KCNA2: variants seen among roughly 807,000 people sequenced by gnomAD.
The protein encoded by KCNA2 is potassium channel, voltage gated shaker related subfamily A, member 2.
In KCNA2, 11 loss-of-function variants were observed where a neutral mutation model predicts 33.4. The observed-to-expected ratio is 0.33, with a 90% confidence interval of 0.21 to 0.55. KCNA2 has a LOEUF of 0.55. KCNA2 is among the 20% of genes least tolerant of loss of function. The pLI is 0.93. For missense variants in KCNA2, 291 were observed against 621.6 expected, an observed-to-expected ratio of 0.47 and a Z score of 5.66; for synonymous variants, 222 against 231.3, an observed-to-expected ratio of 0.96 and a Z score of 0.37.
In KCNA2 at chr1:110,600,411, T is replaced by G. The variant is rs1393204735; in HGVS notation, c.*2872A>C. 4 of 985,022 alleles carry G rather than the reference T, an allele frequency of 4.1e-6. No homozygotes were observed. The highest frequency in any genetic ancestry group is 4.8e-6 in the Non-Finnish European group (4 of 829,884). 61.0% of individuals were successfully genotyped at this position (985,022 alleles called of 1,614,324 possible). A position where few individuals can be genotyped will look rare whatever the true frequency, so the allele number is the denominator to read the frequency against. On this transcript the variant is annotated 3_prime_UTR_variant, in exon 3 of 3. Coordinates refer to ENST00000316361, the MANE Select transcript of KCNA2 (RefSeq NM_004974.4). ...CTGAGTTTCAGGTTGTATATTTGTATGTGGTGTATGTTTGTCTTTTGTGTA... is the reference window on the plus strand; with the variant it reads ...CTGAGTTTCAGGTTGTATATTTGTAGGTGGTGTATGTTTGTCTTTTGTGTA...
rs1649155115 is a variant in KCNA2, at chr1:110,597,684, G to A, written c.*5599C>T. The A allele has an allele frequency of 1.0e-6, 1 of 985,418 alleles. No individual in the cohort carries two copies. Among genetic ancestry groups the A allele is most frequent in the Non-Finnish European group, 1.2e-6 (1 of 829,934 alleles). 61.0% of individuals were successfully genotyped at this position (985,418 alleles called of 1,614,324 possible). On this transcript the variant is annotated 3_prime_UTR_variant, in exon 3 of 3. Transcript: ENST00000316361. ...AAGAAACTACAGAGACTGTGAATGA[G>A]CCCCCAGAAGTCAAGGGCATTATCT... is the stretch of plus-strand genomic sequence containing the variant.
At chr1:110,606,538 A>T (rs1649635080), upstream of KCNA2, 1 of 152,212 alleles carries the variant, frequency 6.6e-6, no homozygotes, top group African/African-American at 2.4e-5. Flanking sequence ...CGGCGCACTC[A>T]GCGCTCGCCT....
At chr1:110,612,616 C>T (rs985949905) in intron 1 of KCNA2, among the ~76,000 whole-genome samples, 1 of 152,206 alleles carries the variant, frequency 6.6e-6, no homozygotes, top group Admixed American at 6.5e-5. Flanking sequence ...TTGGTCCTGT[C>T]TTCAGACTTG....
chr1:110,612,223 C>T (rs1484727528), intron 1 of KCNA2, among the ~76,000 whole-genome samples: 2 of 152,188 alleles, frequency 1.3e-5, no homozygotes, highest in African/African-American at 4.8e-5. Context: ...GATGGAGACA[C>T]ATCCTGAGAA....
Position 110,594,959 on chromosome 1 carries a change from C to A in KCNA2, c.*8324G>T. 1.0e-6 allele frequency: 1 copy of A among 985,440 alleles called. No homozygotes were observed. The highest frequency in any genetic ancestry group is 1.2e-6 in the Non-Finnish European group (1 of 829,942). The allele number at this position is 985,440 out of a possible 1,614,324, so 61.0% of individuals were successfully genotyped here. ...GCGCCCCTGAATATTCTCTTCCTCC[C>A]AGCTCCTCCTATTGCTTTCTCTAGC... is the stretch of plus-strand genomic sequence containing the variant. On this transcript the variant is annotated 3_prime_UTR_variant, in exon 3 of 3. Transcript: ENST00000316361.
rs1048885945 is a variant in KCNA2 at position 110,594,264 on chromosome 1, T to C, written c.*9019A>G. On this transcript the variant is annotated 3_prime_UTR_variant, in exon 3 of 3. Transcript: ENST00000316361. ...TCTGTGCTGCATGAGCCTAAGTGAG[T>C]GGCGGCCATTTCCTCTCTCTCTCTC... 9 of 1,002,122 alleles carry C rather than the reference T, an allele frequency of 9.0e-6. No homozygotes were observed. Among genetic ancestry groups the C allele is most frequent in the Non-Finnish European group, 1.1e-5 (9 of 842,552 alleles). 62.1% of individuals were successfully genotyped at this position (1,002,122 alleles called of 1,614,324 possible). A position where few individuals can be genotyped will look rare whatever the true frequency, so the allele number is the denominator to read the frequency against.
At chr1:110,625,604 T>TACA (rs989570359) in intron 1 of KCNA2, among the ~76,000 whole-genome samples, 1 of 152,142 alleles carries the variant, frequency 6.6e-6, no homozygotes. Context: ...TAAATTCAAT[T>TACA]ACAACAACAA....
In KCNA2 at chr1:110,595,516, G is replaced by GA. The variant is rs2101354332; in HGVS notation, c.*7766dup. 1.0e-6 allele frequency: 1 copy of GA among 985,386 alleles called. No individual in the cohort carries two copies. The highest frequency in any genetic ancestry group is 1.1e-4 in the East Asian group (1 of 8,814). The allele number at this position is 985,386 out of a possible 1,614,324, so 61.0% of individuals were successfully genotyped here. A position where few individuals can be genotyped will look rare whatever the true frequency, so the allele number is the denominator to read the frequency against. On this transcript the variant is annotated 3_prime_UTR_variant, in exon 3 of 3. Transcript: ENST00000316361. ...CCACTTCAATTGCTCCAGATACAGT[G>GA]AAAAATCCCTCCCACTCCCATCTAG...
At chr1:110,622,715 AT>A (rs1650290823) in intron 1 of KCNA2, among the ~76,000 whole-genome samples, 1 of 152,192 alleles carries the variant, frequency 6.6e-6, no homozygotes, top group Non-Finnish European at 1.5e-5. Context: ...ATAAATTGAG[AT>A]TTAAAAACCC....
At position 110,604,710 on chromosome 1, in the gene KCNA2, G is replaced by A. The variant is rs775717316; in HGVS notation, c.73C>T (p.Pro25Ser). 1 of 1,614,146 alleles carries A rather than the reference G, an allele frequency of 6.2e-7. No homozygotes were observed. The highest frequency in any genetic ancestry group is 8.5e-7 in the Non-Finnish European group (1 of 1,180,026). The part of the protein sequence containing the change: ...LPGHPQDTYD[P>S]EADHECCERV... Reference sequence around the variant, plus strand: ...TCACAGCACTCGTGGTCTGCCTCTGGGTCATAGGTGTCCTGTGGGTGCCCA... The same window carrying A: ...TCACAGCACTCGTGGTCTGCCTCTGAGTCATAGGTGTCCTGTGGGTGCCCA... The change falls in exon 3 of 3, where the codon CCA (proline) becomes TCA (serine). Residue 25 changes from proline to serine, a missense_variant. This residue lies in a region of KCNA2 where 163 missense variants were observed against 273.5 expected (regional missense o/e 0.60). Coordinates refer to ENST00000316361, the MANE Select transcript of KCNA2 (RefSeq NM_004974.4). This position sits in a 1 kb window ranked among gnomAD's most constrained non-coding sequence, Gnocchi z 7.6.
rs1649350132 is a variant in KCNA2 at position 110,601,681 on chromosome 1, T to C, written c.*1602A>G. Reference sequence around the variant, plus strand: ...GCAATGGCAGCAAACCCAGGCCCAGTGGGGTTACCAATGAGACAAATTAAC... The same window carrying C: ...GCAATGGCAGCAAACCCAGGCCCAGCGGGGTTACCAATGAGACAAATTAAC... On this transcript the variant is annotated 3_prime_UTR_variant, in exon 3 of 3. Transcript: ENST00000316361. The C allele has an allele frequency of 9.2e-7, 1 of 1,084,048 alleles. No homozygotes were observed. The highest frequency in any genetic ancestry group is 4.5e-5 in the South Asian group (1 of 22,370). The allele number at this position is 1,084,048 out of a possible 1,614,324, so 67.2% of individuals were successfully genotyped here.
chr1:110,602,336 T>C lies in KCNA2; in HGVS notation c.*947A>G. 2.1e-6 allele frequency: 3 copies of C among 1,424,464 alleles called. No homozygotes were observed. The South Asian group carries it at 4.7e-5, about 22-fold the overall frequency. The allele number at this position is 1,424,464 out of a possible 1,614,324, so 88.2% of individuals were successfully genotyped here. A position where few individuals can be genotyped will look rare whatever the true frequency, so the allele number is the denominator to read the frequency against. On this transcript the variant is annotated 3_prime_UTR_variant, in exon 3 of 3. Coordinates refer to ENST00000316361, the MANE Select transcript of KCNA2 (RefSeq NM_004974.4). ...CTATTAATACTCTAAATATTAACAC[T>C]GTGTAGGCTACTAGGAAAATAGGTT...
At position 110,602,548 on chromosome 1, in the gene KCNA2, C is replaced by A. The variant is rs984192094; in HGVS notation, c.*735G>T. On this transcript the variant is annotated 3_prime_UTR_variant, in exon 3 of 3. Transcript: ENST00000316361. ...CTGGAGCCTGCAAAAATGGTGAAAT[C>A]AGAGGCTTAGAGGTCTGTTGGTTTG... The A allele has an allele frequency of 1.7e-5, 18 of 1,063,062 alleles. No homozygotes were observed. In the African/African-American group the frequency reaches 2.9e-4, roughly 17 times the overall value. The allele number at this position is 1,063,062 out of a possible 1,614,324, so 65.9% of individuals were successfully genotyped here. A position where few individuals can be genotyped will look rare whatever the true frequency, so the allele number is the denominator to read the frequency against.
At chr1:110,610,197 G>C (rs1649821150), upstream of KCNA2, among the ~76,000 whole-genome samples, 2 of 152,224 alleles carry the variant, frequency 1.3e-5, 1 homozygote, top group South Asian at 4.1e-4. Flanking sequence ...TGTGGTGGCT[G>C]TCACAGTGAG....
Position 110,595,432 on chromosome 1 carries a change from C to T in KCNA2, c.*7851G>A, listed in dbSNP as rs1649053987. On this transcript the variant is annotated 3_prime_UTR_variant, in exon 3 of 3. Transcript: ENST00000316361. Reference sequence around the variant, plus strand: ...ATGGGCTTCTGCTGCCTGATCACAACTAACATAGCCAGACTGGAGGGCTTC... The same window carrying T: ...ATGGGCTTCTGCTGCCTGATCACAATTAACATAGCCAGACTGGAGGGCTTC... The T allele has an allele frequency of 5.1e-6, 5 of 985,336 alleles. No homozygotes were observed. The highest frequency in any genetic ancestry group is 3.5e-5 in the African/African-American group (2 of 57,212). 61.0% of individuals were successfully genotyped at this position (985,336 alleles called of 1,614,324 possible). A position where few individuals can be genotyped will look rare whatever the true frequency, so the allele number is the denominator to read the frequency against.
chr1:110,600,240 A>G lies in KCNA2; in HGVS notation c.*3043T>C, dbSNP rs1226035568. On this transcript the variant is annotated 3_prime_UTR_variant, in exon 3 of 3. Transcript: ENST00000316361. The stretch of plus-strand genomic sequence containing the variant: ...ATATTTTTGGGCATGTGTGCTATGT[A>G]TCTTGTATGCCTATTATAAGTTAAT... 6.1e-6 allele frequency: 6 copies of G among 981,208 alleles called. No homozygotes were observed. Among genetic ancestry groups the G allele is most frequent in the Non-Finnish European group, 7.2e-6 (6 of 829,150 alleles). The allele number at this position is 981,208 out of a possible 1,614,324, so 60.8% of individuals were successfully genotyped here.
At chr1:110,621,764 C>T (rs1650265061) in intron 1 of KCNA2, among the ~76,000 whole-genome samples, 1 of 152,116 alleles carries the variant, frequency 6.6e-6, no homozygotes, top group Non-Finnish European at 1.5e-5. Context: ...CCGTGAGAGA[C>T]ATAAACTACC....
In KCNA2 at chr1:110,596,182, G is replaced by A; in HGVS notation, c.*7101C>T. 1.0e-6 allele frequency: 1 copy of A among 985,160 alleles called. No individual in the cohort carries two copies. The allele number at this position is 985,160 out of a possible 1,614,324, so 61.0% of individuals were successfully genotyped here. On this transcript the variant is annotated 3_prime_UTR_variant, in exon 3 of 3. Transcript: ENST00000316361. ...CAGAAAAAAAAAGAGTAGAACTGGAGAGGTGAAAAGAATGCAAAGGAGGTC... is the reference window on the plus strand; with the variant it reads ...CAGAAAAAAAAAGAGTAGAACTGGAAAGGTGAAAAGAATGCAAAGGAGGTC...
rs1649233941 is a variant in KCNA2, at chr1:110,599,243, G to C, written c.*4040C>G. 1.0e-6 allele frequency: 1 copy of C among 985,210 alleles called. No homozygotes were observed. Among genetic ancestry groups the C allele is most frequent in the South Asian group, 4.7e-5 (1 of 21,284 alleles). 61.0% of individuals were successfully genotyped at this position (985,210 alleles called of 1,614,324 possible). ...TTTGCTAAAATGCACTCAGCTCTCA[G>C]CTAGTCCTACTTAGGGGAAGAACCA... is the stretch of plus-strand genomic sequence containing the variant. On this transcript the variant is annotated 3_prime_UTR_variant, in exon 3 of 3. Coordinates refer to ENST00000316361, the MANE Select transcript of KCNA2 (RefSeq NM_004974.4).
Sources: allele counts gnomAD v4.1 joint callset (sites outside exome capture counted in the v4.1 genomes callset), GRCh38; gene constraint gnomAD v4.1.1; regional missense constraint gnomAD v4.1.1; non-coding constraint Gnocchi (gnomAD v3.1); transcripts MANE v1.5; gene names NCBI Gene and HGNC (gene_info 2026-07-23, HGNC 2026-07-21).